The following LRRC4C variants were observed in gnomAD, a reference collection of about 807,000 sequenced individuals.
LRRC4C encodes the protein leucine rich repeat containing 4C.
Under a neutral mutation model 33.6 loss-of-function variants are expected in LRRC4C, and 5 were observed. The ratio of observed to expected loss-of-function variants is 0.15; its 90% CI spans 0.08 to 0.31. The LOEUF is 0.31. Ranked by LOEUF, LRRC4C falls within the 10% of genes least tolerant of loss-of-function variation. LRRC4C has a pLI of 1.00. For missense variants in LRRC4C, 560 were observed against 796.7 expected (o/e 0.70, Z 3.58); for synonymous variants, 329 against 302.0 (o/e 1.09, Z -0.93).
chr11:40,863,362 A>T (rs1954197157), intron 2 of LRRC4C, among the ~76,000 whole-genome samples: 1 of 152,192 alleles, frequency 6.6e-6, no homozygotes, highest in Admixed American at 6.5e-5. Context: ...TAGAAATTTA[A>T]GGACGGGATA....
At chr11:40,252,217 A>G (rs1590824313) in intron 4 of LRRC4C, among the ~76,000 whole-genome samples, 1 of 152,032 alleles carries the variant, frequency 6.6e-6, no homozygotes, top group Admixed American at 6.6e-5. Context: ...ACATATGTAT[A>G]TACATATACT....
chr11:40,241,947 T>A (rs977781264), intron 4 of LRRC4C: 1 of 152,104 alleles, frequency 6.6e-6, no homozygotes, highest in African/African-American at 2.4e-5. Flanking sequence ...GAGGATCTGG[T>A]GACTCCTTCT....
chr11:40,887,732 A>G (rs1342219305), intron 2 of LRRC4C, among the ~76,000 whole-genome samples: 3 of 152,020 alleles, frequency 2.0e-5, no homozygotes, highest in Non-Finnish European at 4.4e-5. Context: ...TTCTAGATGC[A>G]AAGCATTGTC....
intron 1 of LRRC4C, among the ~76,000 whole-genome samples, chr11:41,083,650 G>A (rs577503451): frequency 8.5e-5 from 13 of 152,264 alleles, no homozygotes; most frequent in African/African-American, 3.1e-4. Flanking sequence ...TACAAGAAAT[G>A]GCTATACTGT....
chr11:41,376,198 C>T (rs1016058182), intron 1 of LRRC4C, among the ~76,000 whole-genome samples: 1 of 151,986 alleles, frequency 6.6e-6, no homozygotes, highest in Non-Finnish European at 1.5e-5. Context: ...ATATAAACAC[C>T]CATTGCACTC....
chr11:40,955,745 C>T (rs1326053097), intron 1 of LRRC4C, among the ~76,000 whole-genome samples: 1 of 151,790 alleles, frequency 6.6e-6, no homozygotes, highest in East Asian at 1.9e-4. Flanking sequence ...GATTCTCTTG[C>T]TTTGGAAAAT....
intron 1 of LRRC4C, among the ~76,000 whole-genome samples, chr11:41,258,841 C>A (rs1948885828): frequency 6.6e-6 from 1 of 151,956 alleles, no homozygotes; most frequent in African/African-American, 2.4e-5. Context: ...ACAATGTCTG[C>A]CTTTGGCTCT....
intron 3 of LRRC4C, among the ~76,000 whole-genome samples, chr11:40,356,185 G>A (rs762241296): frequency 2.6e-5 from 4 of 151,998 alleles, no homozygotes; most frequent in African/African-American, 7.3e-5. Flanking sequence ...TTTCAAAGGC[G>A]TAAACACTCC....
At chr11:40,911,594 G>GA (rs1349665956) in intron 2 of LRRC4C, among the ~76,000 whole-genome samples, 1 of 152,074 alleles carries the variant, frequency 6.6e-6, no homozygotes, top group Non-Finnish European at 1.5e-5. Context: ...CAAAGATGGG[G>GA]AAACAACAGA....
At chr11:41,347,290 C>G (rs1223251398) in intron 1 of LRRC4C, among the ~76,000 whole-genome samples, 1 of 152,088 alleles carries the variant, frequency 6.6e-6, no homozygotes, top group Admixed American at 6.5e-5. Context: ...TACCCTGCCT[C>G]TAGTATACTT....
chr11:40,512,109 A>G (rs773868719), intron 3 of LRRC4C, among the ~76,000 whole-genome samples: 1 of 152,226 alleles, frequency 6.6e-6, no homozygotes, highest in Non-Finnish European at 1.5e-5. Context: ...GCAAGAATCC[A>G]GTCATGAGGA....
chr11:40,868,015 A>G (rs1954454656), intron 2 of LRRC4C, among the ~76,000 whole-genome samples: 1 of 152,188 alleles, frequency 6.6e-6, no homozygotes, highest in Non-Finnish European at 1.5e-5. Context: ...TTCAACCTCC[A>G]GAAAAAGAGA....
At chr11:40,810,322 T>C (rs1168625191) in intron 2 of LRRC4C, among the ~76,000 whole-genome samples, 1 of 152,170 alleles carries the variant, frequency 6.6e-6, no homozygotes. Context: ...ACCAGCAATA[T>C]CTCAGTTGCC....
At chr11:40,826,073 T>C (rs1952157459) in intron 2 of LRRC4C, among the ~76,000 whole-genome samples, 1 of 151,922 alleles carries the variant, frequency 6.6e-6, no homozygotes, top group South Asian at 2.1e-4. Flanking sequence ...GGGGCAGATT[T>C]ATAAAGGGGA....
At position 40,298,895 on chromosome 11, in the gene LRRC4C, T is replaced by C. The variant is rs80288697; in HGVS notation, c.-176+20733A>G. 1.1e-3 allele frequency among the ~76,000 whole-genome samples: 172 copies of C among 152,148 alleles called. 6 individuals are homozygous for C. In the East Asian group the frequency reaches 0.03, roughly 26 times the overall value. On this transcript the variant is annotated intron_variant, in intron 4 of 6. Coordinates refer to ENST00000528697, the MANE Select transcript of LRRC4C (RefSeq NM_001258419.2). ...CTCATTCACTATTTTGAAAAGAGCA[T>C]GGGGGGAAATGCTCCCATGATGCAA...
At chr11:41,145,941 G>C (rs1036406214) in intron 1 of LRRC4C, among the ~76,000 whole-genome samples, 1 of 152,088 alleles carries the variant, frequency 6.6e-6, no homozygotes, top group African/African-American at 2.4e-5. Context: ...ACACATTAGA[G>C]AATATTTAGC....
At chr11:40,452,182 G>C (rs1044229247) in intron 3 of LRRC4C, among the ~76,000 whole-genome samples, 1 of 152,106 alleles carries the variant, frequency 6.6e-6, no homozygotes, top group Non-Finnish European at 1.5e-5. Flanking sequence ...TGACAAATGG[G>C]ATCTCATTAA....
intron 1 of LRRC4C, among the ~76,000 whole-genome samples, chr11:41,116,339 T>C (rs929484520): frequency 1.3e-5 from 2 of 152,148 alleles, no homozygotes; most frequent in African/African-American, 4.8e-5. Context: ...TTAGTTAATA[T>C]ATATATAGCA....
chr11:40,230,694 G>A (rs778615711), intron 5 of LRRC4C, among the ~76,000 whole-genome samples: 1 of 152,186 alleles, frequency 6.6e-6, no homozygotes, highest in African/African-American at 2.4e-5. Flanking sequence ...ATAGGAATCT[G>A]GGGTAAGAGA....
Sources: allele counts gnomAD v4.1 joint callset (sites outside exome capture counted in the v4.1 genomes callset), GRCh38; gene constraint gnomAD v4.1.1; transcripts MANE v1.5; gene names NCBI Gene and HGNC (gene_info 2026-07-23, HGNC 2026-07-21).